Variants in ADAM17 observed in about 807,000 individuals in gnomAD.
The protein encoded by ADAM17 is ADAM metallopeptidase domain 17, also known as disintegrin and metalloproteinase domain-containing protein 17.
Under a neutral mutation model 96.7 loss-of-function variants are expected in ADAM17, and 39 were observed. The ratio of observed to expected loss-of-function variants is 0.40; its 90% CI spans 0.31 to 0.53. The LOEUF (loss-of-function observed/expected upper bound fraction) is 0.53. Ranked by LOEUF, ADAM17 falls within the 20% of genes least tolerant of loss-of-function variation. The pLI is 0.44. For synonymous variants in ADAM17, 344 were observed against 359.2 expected (o/e 0.96, Z 0.48); for missense variants, 777 against 1,013.2 (o/e 0.77, Z 3.17).
chr2:9,524,791 A>C (rs1664451733), intron 6 of ADAM17, among the ~76,000 whole-genome samples: 1 of 152,178 alleles, frequency 6.6e-6, no homozygotes, highest in African/African-American at 2.4e-5. Context: ...ATTTGGGAAA[A>C]CTGGAGAAGG....
In ADAM17 at chr2:9,490,021, CCA is replaced by C; in HGVS notation, c.*154_*155del. Reference sequence around the variant, plus strand: ...CCTTTTCAAAAGGAGAAGGGCCAAACCACACAAGAACTGTTTACCTGCAGGAA... The same window carrying C: ...CCTTTTCAAAAGGAGAAGGGCCAAACCACAAGAACTGTTTACCTGCAGGAA... On this transcript the variant is annotated 3_prime_UTR_variant, in exon 19 of 19. Coordinates refer to ENST00000310823, the MANE Select transcript of ADAM17 (RefSeq NM_003183.6). 1 of 675,544 alleles carries C rather than the reference CCA, an allele frequency of 1.5e-6. No individual in the cohort carries two copies. Among genetic ancestry groups the C allele is most frequent in the South Asian group, 2.5e-5 (1 of 40,728 alleles). 41.8% of individuals were successfully genotyped at this position (675,544 alleles called of 1,614,324 possible).
chr2:9,494,446 G>A (rs920948224), intron 15 of ADAM17, among the ~76,000 whole-genome samples, 191 bp downstream of exon 15: 1 of 152,096 alleles, frequency 6.6e-6, no homozygotes, highest in African/African-American at 2.4e-5. Flanking sequence ...TCCCACCACA[G>A]AAGGAAACTA....
chr2:9,506,707 TC>T (rs2125002080), intron 11 of ADAM17: 1 of 152,374 alleles, frequency 6.6e-6, no homozygotes, highest in Non-Finnish European at 1.5e-5. Flanking sequence ...GTCTGGTTAT[TC>T]TAATCGGGGC....
chr2:9,506,254 G>C (rs1387601784), intron 11 of ADAM17, among the ~76,000 whole-genome samples: 1 of 150,902 alleles, frequency 6.6e-6, no homozygotes, highest in East Asian at 2.0e-4. Context: ...AAAGGTGCCT[G>C]TAACCACCAA....
At chr2:9,496,457 T>A (rs1572886144) in intron 14 of ADAM17, 1 of 152,258 alleles carries the variant, frequency 6.6e-6, no homozygotes, top group Non-Finnish European at 1.5e-5. Context: ...GCAAGAGAAC[T>A]CCCTCATCGA....
intron 15 of ADAM17, among the ~76,000 whole-genome samples, chr2:9,494,213 T>G (rs560533182): frequency 6.6e-6 from 1 of 152,108 alleles, no homozygotes; most frequent in Non-Finnish European, 1.5e-5. Flanking sequence ...AAATTATGCT[T>G]CTCTAGAGAA....
rs1664598014 is a variant in ADAM17 at position 9,528,062 on chromosome 2, TAAGTA to T, written c.451-113_451-109del. On this transcript the variant is annotated intron_variant, in intron 4 of 18. Transcript: ENST00000310823. ...TCTTAGATAACATTCATTTCTAGGT[TAAGTA>T]AACTGATTAGTCATGTTATTAAAAT... 3 of 705,612 alleles carry T rather than the reference TAAGTA, an allele frequency of 4.3e-6. No individual in the cohort carries two copies. In the East Asian group the frequency reaches 9.6e-5, roughly 23 times the overall value. The allele number at this position is 705,612 out of a possible 1,614,324, so 43.7% of individuals were successfully genotyped here.
At chr2:9,548,267 G>A (rs1279613655) in intron 1 of ADAM17, among the ~76,000 whole-genome samples, 1 of 152,022 alleles carries the variant, frequency 6.6e-6, no homozygotes, top group African/African-American at 2.4e-5. Flanking sequence ...AGGAGGCAAA[G>A]GTGGCAGTGA....
chr2:9,535,954 ATACT>A (rs1301313944), intron 3 of ADAM17, 32 bp from the exon 4 acceptor site: 1 of 1,379,786 alleles, frequency 7.2e-7, no homozygotes, highest in Non-Finnish European at 9.8e-7. Context: ...TTATTTAAAA[ATACT>A]TACATCAAAT....
chr2:9,492,961 A>G lies in ADAM17; in HGVS notation c.2019T>C (p.Val673=), dbSNP rs1304964360. 3 of 1,612,228 alleles carry G rather than the reference A, an allele frequency of 1.9e-6. No homozygotes were observed. The highest frequency in any genetic ancestry group is 1.7e-5 in the Admixed American group (1 of 59,866). The change falls in exon 17 of 19, where the codon GTT becomes GTC. Residue 673 remains valine, a synonymous_variant. Transcript: ENST00000310823. ...TFGKFLADNI[V]GSVLVFSLIF... is the part of the protein sequence containing the mutation. ...TCAAGGAGAAAACCAGGACAGACCC[A>G]ACGATGTTGTCTGCTAAAAACTTTC... is the stretch of plus-strand genomic sequence containing the variant.
chr2:9,537,366 C>CTATCAAGCTGGGTGGACTATGAGA (rs1664997030), intron 2 of ADAM17, among the ~76,000 whole-genome samples: 1 of 152,186 alleles, frequency 6.6e-6, no homozygotes, highest in African/African-American at 2.4e-5. Flanking sequence ...TATGCTGTCT[C>CTATCAAGCTGGGTGGACTATGAGA]TATCAAGCTG....
chr2:9,489,538 G>C lies in ADAM17; in HGVS notation c.*639C>G, dbSNP rs1467488987. On this transcript the variant is annotated 3_prime_UTR_variant, in exon 19 of 19. Transcript: ENST00000310823. ...CTACCATGTATAGCCCTCACTGTAA[G>C]GTAGGTGGTTAGGTTTCTAGAGAGC... is the stretch of plus-strand genomic sequence containing the variant. The C allele has an allele frequency of 6.6e-6, 1 of 152,204 alleles. No homozygotes were observed. The highest frequency in any genetic ancestry group is 1.5e-5 in the Non-Finnish European group (1 of 67,994). 9.4% of individuals were successfully genotyped at this position (152,204 alleles called of 1,614,324 possible). A position where few individuals can be genotyped will look rare whatever the true frequency, so the allele number is the denominator to read the frequency against.
chr2:9,545,443 G>A (rs927834704), intron 1 of ADAM17, among the ~76,000 whole-genome samples: 3 of 152,048 alleles, frequency 2.0e-5, no homozygotes, highest in Admixed American at 1.3e-4. Flanking sequence ...GGCAGCAGAC[G>A]CCTATAATCC....
At chr2:9,523,783 C>A (rs555038936) in intron 6 of ADAM17, among the ~76,000 whole-genome samples, 1 of 152,274 alleles carries the variant, frequency 6.6e-6, no homozygotes, top group Admixed American at 6.5e-5. Context: ...TCAACTCTTC[C>A]TCTTCCTCCT....
intron 12 of ADAM17, among the ~76,000 whole-genome samples, chr2:9,504,622 G>T (rs1663260426): frequency 6.6e-6 from 1 of 150,902 alleles, no homozygotes; most frequent in Non-Finnish European, 1.5e-5. Context: ...AATTAGCCGG[G>T]CATGGTGGTG....
In ADAM17 at chr2:9,553,226, G is replaced by A. The variant is rs145814383; in HGVS notation, c.97+2283C>T. 9.2e-5 allele frequency among the ~76,000 whole-genome samples: 14 copies of A among 152,196 alleles called. No homozygotes were observed. The East Asian group carries it at 2.1e-3, about 23-fold the overall frequency. On this transcript the variant is annotated intron_variant, in intron 1 of 18. Coordinates refer to ENST00000310823, the MANE Select transcript of ADAM17 (RefSeq NM_003183.6). ...ATTTGGTGATAACACTTGCTATAAC[G>A]TACTCTAGCACTCTCCTCTATGCTG...
chr2:9,548,335 C>CA (rs1665477300), intron 1 of ADAM17, among the ~76,000 whole-genome samples: 1 of 151,768 alleles, frequency 6.6e-6, no homozygotes. Context: ...CCATCCCCCC[C>CA]AAAAAAGAAA....
At chr2:9,510,383 G>A (rs1478063844) in intron 10 of ADAM17, among the ~76,000 whole-genome samples, 1 of 152,064 alleles carries the variant, frequency 6.6e-6, no homozygotes, top group Non-Finnish European at 1.5e-5. Flanking sequence ...TTAACCAGGT[G>A]GGCTAGGCAT....
chr2:9,544,107 T>A (rs1410643656), intron 1 of ADAM17, among the ~76,000 whole-genome samples: 3 of 152,118 alleles, frequency 2.0e-5, no homozygotes, highest in African/African-American at 7.2e-5. Context: ...CCCTTCTTTA[T>A]CCTCTACCCA....
Sources: allele counts gnomAD v4.1 joint callset (sites outside exome capture counted in the v4.1 genomes callset), GRCh38; gene constraint gnomAD v4.1.1; transcripts MANE v1.5; gene names NCBI Gene and HGNC (gene_info 2026-07-23, HGNC 2026-07-21).